KCNMA1: variants seen among roughly 807,000 people sequenced by gnomAD.
KCNMA1 encodes potassium calcium-activated channel subfamily M alpha 1, also known as Calcium-activated potassium channel subunit alpha-1.
A neutral mutation model predicts 140.0 loss-of-function variants in KCNMA1; 29 were observed. That is an observed-to-expected ratio of 0.21 (90% CI 0.15 to 0.28). KCNMA1 has a LOEUF of 0.28. Ranked by LOEUF, KCNMA1 falls within the 10% of genes least tolerant of loss-of-function variation. The pLI, the probability that KCNMA1 is intolerant of heterozygous loss-of-function variation, is 1.00. For synonymous variants in KCNMA1, 612 were observed against 611.9 expected, an observed-to-expected ratio of 1.00 and a Z score of 0.00; for missense variants, 880 against 1,602.2, an observed-to-expected ratio of 0.55 and a Z score of 7.70.
At chr10:76,956,225 C>T (rs918759426) in intron 20 of KCNMA1, among the ~76,000 whole-genome samples, 6 of 152,076 alleles carry the variant, frequency 3.9e-5, no homozygotes, top group East Asian at 1.9e-4. Context: ...GCCTGATGAT[C>T]GATCGCCCTT....
chr10:76,903,388 T>C (rs1026191602), intron 25 of KCNMA1: 1 of 152,260 alleles, frequency 6.6e-6, no homozygotes, highest in African/African-American at 2.4e-5. Context: ...ATAGCTGCCA[T>C]TTTTTATATT....
At chr10:77,221,828 G>A (rs1292083809) in intron 3 of KCNMA1, among the ~76,000 whole-genome samples, 1 of 152,140 alleles carries the variant, frequency 6.6e-6, no homozygotes, top group Non-Finnish European at 1.5e-5. Flanking sequence ...TAAAGGACTA[G>A]ACTGTACCCA....
chr10:77,251,312 G>A (rs892700526), intron 2 of KCNMA1, 56 bp from the exon 3 acceptor site: 13 of 1,401,018 alleles, frequency 9.3e-6, no homozygotes, highest in Non-Finnish European at 1.3e-5. Flanking sequence ...GGATGTTTGG[G>A]TTTTTTGACA....
intron 1 of KCNMA1, among the ~76,000 whole-genome samples, chr10:77,460,370 C>T (rs2097843261): frequency 6.6e-6 from 1 of 152,188 alleles, no homozygotes; most frequent in Non-Finnish European, 1.5e-5. Context: ...ACTATTCAAT[C>T]TAGCAACCCC....
chr10:77,387,124 C>T (rs1167132983), intron 2 of KCNMA1, among the ~76,000 whole-genome samples: 1 of 152,156 alleles, frequency 6.6e-6, no homozygotes, highest in African/African-American at 2.4e-5. Context: ...ACATAACAAA[C>T]AGGAAAATTG....
intron 24 of KCNMA1, chr10:76,913,411 T>G (rs1241135255): frequency 6.6e-6 from 1 of 152,242 alleles, no homozygotes; most frequent in Non-Finnish European, 1.5e-5. Context: ...GGGGCCAGAG[T>G]GCAGGGCTGC....
intron 2 of KCNMA1, among the ~76,000 whole-genome samples, chr10:77,258,040 C>A (rs1268052477): frequency 1.3e-5 from 2 of 152,198 alleles, no homozygotes; most frequent in African/African-American, 2.4e-5. Context: ...TGAATCTCCA[C>A]TCTGCCCCTA....
chr10:77,614,965 AAAG>A (rs1330194402), intron 1 of KCNMA1, among the ~76,000 whole-genome samples: 1 of 152,222 alleles, frequency 6.6e-6, no homozygotes, highest in East Asian at 1.9e-4. Flanking sequence ...TGTGAAGTGG[AAAG>A]AAGACCCGGA....
At chr10:76,905,260 A>C (rs2047342773) in intron 25 of KCNMA1, 2 of 152,226 alleles carry the variant, frequency 1.3e-5, no homozygotes. Flanking sequence ...TTCTTCTTCT[A>C]AAATGAGTGC....
chr10:77,224,746 T>C (rs11002091), intron 3 of KCNMA1, among the ~76,000 whole-genome samples: 61,432 of 152,050 alleles, frequency 0.4, 13,645 homozygotes, highest in African/African-American at 0.59. Context: ...ATTCCCTATG[T>C]GACTCTGTGG....
intron 1 of KCNMA1, among the ~76,000 whole-genome samples, chr10:77,606,012 G>A (rs531454509): frequency 1.2e-4 from 19 of 152,262 alleles, no homozygotes; most frequent in African/African-American, 2.9e-4. Flanking sequence ...CAGATAAGCC[G>A]CAACACCCAT....
downstream of KCNMA1, chr10:76,872,910 C>A: frequency 6.6e-6 from 1 of 151,904 alleles, no homozygotes; most frequent in Non-Finnish European, 1.5e-5. Flanking sequence ...TTCCCAGATT[C>A]TTAATGTATA....
chr10:76,956,727 G>GC (rs2068470182), intron 20 of KCNMA1, among the ~76,000 whole-genome samples: 1 of 152,160 alleles, frequency 6.6e-6, no homozygotes, highest in Non-Finnish European at 1.5e-5. Flanking sequence ...ACAGTACCTT[G>GC]TGGCAAGTGT....
At chr10:76,953,357 C>T (rs10824473) in intron 21 of KCNMA1, among the ~76,000 whole-genome samples, 101,347 of 152,060 alleles carry the variant, frequency 0.67, 34,071 homozygotes, top group East Asian at 0.88. Context: ...TTTACTGAGT[C>T]ATCTGTTGGA....
intron 1 of KCNMA1, among the ~76,000 whole-genome samples, chr10:77,504,382 C>T (rs1018917628): frequency 1.3e-5 from 2 of 152,056 alleles, no homozygotes; most frequent in South Asian, 4.2e-4. Flanking sequence ...AGAGGAGAAG[C>T]CATGGAGTGG....
intron 3 of KCNMA1, among the ~76,000 whole-genome samples, chr10:77,242,739 G>C (rs974539325): frequency 6.6e-6 from 1 of 152,044 alleles, no homozygotes; most frequent in South Asian, 2.1e-4. Flanking sequence ...CTTATACACA[G>C]TTTGTACTCA....
intron 25 of KCNMA1, among the ~76,000 whole-genome samples, chr10:76,896,308 G>A (rs1214203110): frequency 6.6e-6 from 1 of 152,178 alleles, no homozygotes; most frequent in African/African-American, 2.4e-5. Flanking sequence ...AGTAATAAGA[G>A]AAACATGGCT....
intron 1 of KCNMA1, among the ~76,000 whole-genome samples, chr10:77,523,889 TA>T (rs1291270436): frequency 6.6e-6 from 1 of 152,104 alleles, no homozygotes; most frequent in Admixed American, 6.6e-5. Context: ...GATAACATAA[TA>T]GGGTGACTAT....
chr10:77,089,073 T>C (rs1343776535), intron 10 of KCNMA1, among the ~76,000 whole-genome samples: 1 of 152,212 alleles, frequency 6.6e-6, no homozygotes, highest in African/African-American at 2.4e-5. Flanking sequence ...AGGTAATCAG[T>C]GGCTAAGCAC....
Sources: allele counts gnomAD v4.1 joint callset (sites outside exome capture counted in the v4.1 genomes callset), GRCh38; gene constraint gnomAD v4.1.1; transcripts MANE v1.5; gene names NCBI Gene and HGNC (gene_info 2026-07-23, HGNC 2026-07-21).